BID: variants seen among roughly 807,000 people sequenced by gnomAD.
BID encodes BH3 interacting domain death agonist, also known as BH3-interacting domain death agonist.
BID carries 19 observed loss-of-function variants against 17.4 expected under a neutral mutation model. That is an observed-to-expected ratio of 1.09 (90% CI 0.76 to 1.60). The LOEUF (loss-of-function observed/expected upper bound fraction) is 1.60, where lower values mean the gene tolerates loss of function less well. Among genes scored for constraint, BID ranks in the 40% most tolerant of loss-of-function variants. The pLI is 0.00. For missense variants in BID, 226 were observed against 256.0 expected (o/e 0.88, Z 0.80); for synonymous variants, 108 against 102.8 (o/e 1.05, Z -0.31).
chr22:17,737,896 C>A, intron 5 of BID, 121 bp downstream of exon 5: 1 of 1,059,840 alleles, frequency 9.4e-7, no homozygotes, highest in Non-Finnish European at 1.4e-6. Flanking sequence ...CAAACCCGAG[C>A]AGGACAGCCT....
intron 1 of BID, among the ~76,000 whole-genome samples, chr22:17,767,267 G>A (rs923193982): frequency 6.6e-6 from 1 of 151,534 alleles, no homozygotes; most frequent in Admixed American, 6.6e-5. Context: ...ATTATTAGAA[G>A]TACGATTTTC....
In BID at chr22:17,773,572, G is replaced by A. The variant is rs753981182; in HGVS notation, c.-59+809C>T. On this transcript the variant is annotated intron_variant, in intron 1 of 5. Coordinates refer to ENST00000622694, the MANE Select transcript of BID (RefSeq NM_001196.4). This position sits in a 1 kb window ranked among gnomAD's most constrained non-coding sequence, Gnocchi z 4.4. ...CCAACCCTGCCTGCAGGTGAAGGCC[G>A]GTCCAGCCGCAGAAGGCCCAGCCCC... 6.2e-6 allele frequency: 10 copies of A among 1,608,240 alleles called. No individual in the cohort carries two copies. In the East Asian group the frequency reaches 2.0e-4, roughly 32 times the overall value.
In BID at chr22:17,773,735, T is replaced by C. The variant is rs1444443573; in HGVS notation, c.-59+646A>G. On this transcript the variant is annotated intron_variant, in intron 1 of 5. Transcript: ENST00000622694. The surrounding 1 kb of genome is among the most constrained non-coding windows in gnomAD (Gnocchi z 4.4). ...AATGAACCCTTGCCAGCCCAGCCAC[T>C]TGGTGGCTGAGGGCTTCAGAGCTCT... 6.3e-7 allele frequency: 1 copy of C among 1,576,486 alleles called. No homozygotes were observed. The highest frequency in any genetic ancestry group is 8.6e-7 in the Non-Finnish European group (1 of 1,159,002).
intron 1 of BID, among the ~76,000 whole-genome samples, chr22:17,757,519 T>C (rs540590966): frequency 1.6e-3 from 244 of 150,554 alleles, no homozygotes; most frequent in African/African-American, 5.5e-3. Context: ...CCATCCTGGC[T>C]AACACGGTGA....
chr22:17,750,450 A>G lies in BID; in HGVS notation c.-58-276T>C, dbSNP rs139893987. On this transcript the variant is annotated intron_variant, in intron 1 of 5. Coordinates refer to ENST00000622694, the MANE Select transcript of BID (RefSeq NM_001196.4). ...CAGGAAGACCTCAGGCATCAGGGAA[A>G]CGGGGCCGTGGGCTCACAAATTATT... Among the ~76,000 whole-genome samples the G allele has an allele frequency of 5.1e-3, 776 of 152,364 alleles. 5 individuals are homozygous for G. The highest frequency in any genetic ancestry group is 0.018 in the African/African-American group (746 of 41,600).
At position 17,739,458 on chromosome 22, in the gene BID, T is replaced by C. The variant is rs1399322019; in HGVS notation, c.254A>G (p.Asn85Ser). ...DSESQEDIIR[N>S]IARHLAQVGD... ...GACCTGGGCGAGGTGCCTGGCAATA[T>C]TCCGGATGATGTCTTCTTGACTTTC... is the stretch of plus-strand genomic sequence containing the variant. The change falls in exon 4 of 6, where the codon AAT becomes AGT. Residue 85 changes from asparagine to serine, a missense_variant. Asn to Ser is a conservative substitution (Grantham distance 46). Coordinates refer to ENST00000622694, the MANE Select transcript of BID (RefSeq NM_001196.4). 6.2e-7 allele frequency: 1 copy of C among 1,612,392 alleles called. No individual in the cohort carries two copies. Among genetic ancestry groups the C allele is most frequent in the Non-Finnish European group, 8.5e-7 (1 of 1,179,816 alleles).
At chr22:17,742,446 A>G (rs941876537) in intron 3 of BID, among the ~76,000 whole-genome samples, 5 of 151,906 alleles carry the variant, frequency 3.3e-5, no homozygotes, top group Non-Finnish European at 7.4e-5. Flanking sequence ...GCTGGATTAG[A>G]AGGCAGAGAC....
In BID at chr22:17,773,776, G is replaced by C; in HGVS notation, c.-59+605C>G. 7.7e-7 allele frequency: 1 copy of C among 1,292,642 alleles called. No individual in the cohort carries two copies. Among genetic ancestry groups the C allele is most frequent in the South Asian group, 1.2e-5 (1 of 80,164 alleles). 80.1% of individuals were successfully genotyped at this position (1,292,642 alleles called of 1,614,324 possible). On this transcript the variant is annotated intron_variant, in intron 1 of 5. Coordinates refer to ENST00000622694, the MANE Select transcript of BID (RefSeq NM_001196.4). The surrounding 1 kb of genome is among the most constrained non-coding windows in gnomAD (Gnocchi z 4.4). ...TCAGAGCTCTCCCAGGGTCCCCTGG[G>C]GTCATTCAGCCACTCAACAGTTTCC...
chr22:17,759,789 A>G (rs577389577), intron 1 of BID, among the ~76,000 whole-genome samples: 1 of 152,268 alleles, frequency 6.6e-6, no homozygotes, highest in African/African-American at 2.4e-5. Context: ...AAATAACTAT[A>G]TCACCACAAA....
At chr22:17,739,972 C>T in intron 3 of BID, 3 of 1,178,858 alleles carry the variant, frequency 2.5e-6, no homozygotes, top group Admixed American at 2.0e-5. Context: ...GTCACTGGCA[C>T]CGGCAAGGCC....
chr22:17,754,131 A>C (rs1381684196), intron 1 of BID, among the ~76,000 whole-genome samples: 6 of 150,246 alleles, frequency 4.0e-5, no homozygotes, highest in African/African-American at 1.5e-4. Context: ...ACATTCCCCC[A>C]GTCTCCAGGA....
intron 1 of BID, among the ~76,000 whole-genome samples, chr22:17,768,078 C>T (rs2061691362): frequency 6.6e-6 from 1 of 152,180 alleles, no homozygotes; most frequent in African/African-American, 2.4e-5. Flanking sequence ...CCTAAATGTG[C>T]AACTCCATAG....
At chr22:17,740,519 T>G in intron 3 of BID, 1 of 226,596 alleles carries the variant, frequency 4.4e-6, no homozygotes, top group South Asian at 5.4e-5. Flanking sequence ...AACCTTCGCC[T>G]CCTGGGTTCA....
At chr22:17,759,029 G>A (rs564108088) in intron 1 of BID, among the ~76,000 whole-genome samples, 57 of 152,074 alleles carry the variant, frequency 3.7e-4, no homozygotes, top group African/African-American at 1.1e-3. Context: ...TCAAGAGATC[G>A]AGACCATCCT....
chr22:17,739,316 G>T (rs763775500), intron 4 of BID, 33 bp downstream of exon 4: 1 of 1,523,708 alleles, frequency 6.6e-7, no homozygotes. Context: ...TGGCTCACTT[G>T]CCCGCCCACG....
chr22:17,752,204 C>A (rs1328029843), intron 1 of BID, among the ~76,000 whole-genome samples: 6 of 152,214 alleles, frequency 3.9e-5, no homozygotes, highest in Non-Finnish European at 2.9e-5. Flanking sequence ...TCCCACCAGA[C>A]CCTAACGCCG....
intron 5 of BID, among the ~76,000 whole-genome samples, chr22:17,737,356 C>G (rs992739972): frequency 6.6e-6 from 1 of 151,712 alleles, no homozygotes; most frequent in African/African-American, 2.4e-5. Context: ...CACATTACAC[C>G]TTTTTTTTGA....
chr22:17,740,191 G>C (rs758250755), intron 3 of BID: 116 of 1,608,096 alleles, frequency 7.2e-5, no homozygotes, highest in Non-Finnish European at 9.3e-5. Flanking sequence ...CAGAAGGTAA[G>C]CTCCCTAAGG....
In BID at chr22:17,735,345, T is replaced by TTAAAAAAAAAA; in HGVS notation, c.*234_*235insTTTTTTTTTTA. On this transcript the variant is annotated 3_prime_UTR_variant, in exon 6 of 6. Transcript: ENST00000622694. ...GATGTGCAGATTCATGTGTGGATGA[T>TTAAAAAAAAAA]ATGAAGGCCATTCAAATACGTGTAA... 1 of 559,124 alleles carries TTAAAAAAAAAA rather than the reference T, an allele frequency of 1.8e-6. No individual in the cohort carries two copies. Among genetic ancestry groups the TTAAAAAAAAAA allele is most frequent in the Non-Finnish European group, 3.2e-6 (1 of 315,398 alleles). The allele number at this position is 559,124 out of a possible 1,614,324, so 34.6% of individuals were successfully genotyped here.
Sources: allele counts gnomAD v4.1 joint callset (sites outside exome capture counted in the v4.1 genomes callset), GRCh38; gene constraint gnomAD v4.1.1; non-coding constraint Gnocchi (gnomAD v3.1); transcripts MANE v1.5; gene names NCBI Gene and HGNC (gene_info 2026-07-23, HGNC 2026-07-21).